The following LGSN variants were observed in gnomAD, a reference collection of about 807,000 sequenced individuals.
The protein encoded by LGSN is lengsin.
A neutral mutation model predicts 19.5 loss-of-function variants in LGSN; 21 were observed. The ratio of observed to expected loss-of-function variants is 1.07; its 90% confidence interval spans 0.76 to 1.55. The LOEUF (loss-of-function observed/expected upper bound fraction) is 1.55. LGSN is among the 40% of genes most tolerant of loss of function. The pLI, the probability that LGSN is intolerant of heterozygous loss-of-function variation, is 0.00. For synonymous variants in LGSN, 257 were observed against 215.6 expected (o/e 1.19, Z -1.68); for missense variants, 673 against 608.5 (o/e 1.11, Z -1.12).
chr6:63,511,340 G>A, the LGSN span, among the ~76,000 whole-genome samples: 6 of 146,320 alleles, frequency 4.1e-5, no homozygotes, highest in South Asian at 2.2e-4. Context: ...TGAAACCTCC[G>A]CCTCCTATGT....
At chr6:63,378,182 A>C in the LGSN span, among the ~76,000 whole-genome samples, 2 of 152,148 alleles carry the variant, frequency 1.3e-5, no homozygotes, top group Non-Finnish European at 2.9e-5. Flanking sequence ...AATGAACACA[A>C]ACGCTTAGGG....
the LGSN span, among the ~76,000 whole-genome samples, chr6:63,563,937 T>A: frequency 6.6e-6 from 1 of 152,202 alleles, no homozygotes; most frequent in East Asian, 1.9e-4. Flanking sequence ...AGTGGTTGAG[T>A]ATTTACTATG....
chr6:63,412,833 GAAGGAAGA>G, the LGSN span, among the ~76,000 whole-genome samples: 10,437 of 142,256 alleles, frequency 0.073, 871 homozygotes, highest in African/African-American at 0.2. Flanking sequence ...GAAAGGAAAG[GAAGGAAGA>G]AAGGAAGGAA....
At chr6:63,469,011 G>T in the LGSN span, among the ~76,000 whole-genome samples, 6 of 152,162 alleles carry the variant, frequency 3.9e-5, no homozygotes, top group African/African-American at 1.4e-4. Flanking sequence ...GCCTTCCAAA[G>T]TGCTGGGATT....
chr6:63,332,888 C>T, the LGSN span, among the ~76,000 whole-genome samples: 3 of 152,156 alleles, frequency 2.0e-5, no homozygotes, highest in South Asian at 6.2e-4. Context: ...GTCTCACTGA[C>T]TTCCAGAATG....
At chr6:63,378,376 C>A in the LGSN span, among the ~76,000 whole-genome samples, 3 of 152,134 alleles carry the variant, frequency 2.0e-5, no homozygotes, top group African/African-American at 7.2e-5. Flanking sequence ...CCACCCCACC[C>A]CCAAAATTAT....
At chr6:63,572,716 T>A in the LGSN span, 1 of 398,682 alleles carries the variant, frequency 2.5e-6, no homozygotes, top group South Asian at 1.3e-4. Context: ...GTAAACATAT[T>A]CCTGTGAGTA....
chr6:63,294,673 T>C (rs1224470566), intron 2 of LGSN, among the ~76,000 whole-genome samples: 1 of 152,176 alleles, frequency 6.6e-6, no homozygotes, highest in African/African-American at 2.4e-5. Flanking sequence ...TCTTTTTTTT[T>C]TCTACTACTG....
chr6:63,412,523 A>AG, the LGSN span, among the ~76,000 whole-genome samples: 2 of 116,436 alleles, frequency 1.7e-5, no homozygotes, highest in African/African-American at 7.0e-5. Context: ...AGAAAGAAAG[A>AG]AAGAAGGAAA....
At chr6:63,330,326 C>A in the LGSN span, among the ~76,000 whole-genome samples, 1 of 152,150 alleles carries the variant, frequency 6.6e-6, no homozygotes, top group South Asian at 2.1e-4. Context: ...AAGGCTGCAG[C>A]CTTTCTCTGA....
the LGSN span, among the ~76,000 whole-genome samples, chr6:63,570,131 G>A: frequency 6.6e-6 from 1 of 152,136 alleles, no homozygotes; most frequent in Admixed American, 6.5e-5. Context: ...TTGAGGTCAG[G>A]AGTTCAAAAC....
the LGSN span, among the ~76,000 whole-genome samples, chr6:63,568,017 T>G: frequency 1.3e-5 from 2 of 152,228 alleles, no homozygotes. Context: ...AGTTAAGGCC[T>G]TGCTCTGAAT....
the LGSN span, among the ~76,000 whole-genome samples, chr6:63,439,517 T>TA: frequency 2.6e-3 from 383 of 146,090 alleles, 2 homozygotes; most frequent in African/African-American, 4.0e-3. Context: ...TCTGTCTCAT[T>TA]AAAAAAAAAA....
chr6:63,373,204 G>A, the LGSN span, among the ~76,000 whole-genome samples: 9 of 152,212 alleles, frequency 5.9e-5, no homozygotes, highest in Non-Finnish European at 1.5e-5. Flanking sequence ...TGTTCCTATG[G>A]TTTAGAAGAG....
the LGSN span, among the ~76,000 whole-genome samples, chr6:63,435,438 T>C: frequency 2.0e-5 from 3 of 152,186 alleles, no homozygotes; most frequent in Non-Finnish European, 4.4e-5. Context: ...TAAAAGATGT[T>C]TGATGAATAC....
chr6:63,282,363 CT>C (rs1767353464), intron 3 of LGSN, among the ~76,000 whole-genome samples: 1 of 152,230 alleles, frequency 6.6e-6, no homozygotes, highest in East Asian at 1.9e-4. Context: ...CTTTCTTTCT[CT>C]TTTTTTCCCC....
the LGSN span, among the ~76,000 whole-genome samples, chr6:63,340,824 T>C: frequency 1.3e-5 from 2 of 151,654 alleles, no homozygotes; most frequent in Non-Finnish European, 2.9e-5. Flanking sequence ...TCATATTCCC[T>C]TGCTTTTTAT....
intron 1 of LGSN, among the ~76,000 whole-genome samples, chr6:63,308,618 A>T (rs1442426497): frequency 1.3e-5 from 2 of 151,992 alleles, no homozygotes; most frequent in Admixed American, 1.3e-4. Flanking sequence ...TCAATACAAA[A>T]AAAAAAAACT....
chr6:63,415,505 G>A, the LGSN span, among the ~76,000 whole-genome samples: 2 of 152,282 alleles, frequency 1.3e-5, no homozygotes, highest in Non-Finnish European at 1.5e-5. Flanking sequence ...GAGGGAAGGG[G>A]AAAGAGCCCC....
Sources: allele counts gnomAD v4.1 joint callset (sites outside exome capture counted in the v4.1 genomes callset), GRCh38; gene constraint gnomAD v4.1.1; transcripts MANE v1.5; gene names NCBI Gene and HGNC (gene_info 2026-07-23, HGNC 2026-07-21).